Variants in FBLN2 observed in about 807,000 individuals in gnomAD.
The protein encoded by FBLN2 is fibulin 2, also known as fibulin-2.
A neutral mutation model predicts 123.7 loss-of-function variants in FBLN2; 81 were observed. The observed-to-expected ratio is 0.65, with a 90% CI of 0.55 to 0.79. FBLN2 has a LOEUF of 0.79. Ranked by LOEUF, FBLN2 falls within the 30% of genes least tolerant of loss-of-function variation. FBLN2 has a pLI of 0.00. For missense variants in FBLN2, 1,603 were observed against 1,681.3 expected, an observed-to-expected ratio of 0.95 and a Z score of 0.81; for synonymous variants, 699 against 701.4, an observed-to-expected ratio of 1.00 and a Z score of 0.05.
At chr3:13,626,606 GGA>G in intron 10 of FBLN2, 27 bp downstream of exon 10, 2 of 1,519,966 alleles carry the variant, frequency 1.3e-6, no homozygotes, top group South Asian at 2.5e-5. Context: ...AGGACCAACT[GGA>G]GGCCCCGCCC....
At chr3:13,615,096 G>A (rs1705553976) in intron 5 of FBLN2, among the ~76,000 whole-genome samples, 1 of 152,196 alleles carries the variant, frequency 6.6e-6, no homozygotes, top group Admixed American at 6.5e-5. Flanking sequence ...TGTTCCAGCT[G>A]CCATGTCCAG....
rs759241539 is a variant in FBLN2, at chr3:13,626,442, C to T, written c.2297-3C>T. 35 of 1,576,968 alleles carry T rather than the reference C, an allele frequency of 2.2e-5. No individual in the cohort carries two copies. Among genetic ancestry groups the T allele is most frequent in the Non-Finnish European group, 2.9e-5 (34 of 1,159,390 alleles). ...GCCTCTGATGGCCTCGCTCTCCCTG[C>T]AGACATCAACGAGTGTGTGACGGAC... On this transcript the variant is annotated splice_polypyrimidine_tract_variant and splice_region_variant and intron_variant, in intron 9 of 17. Transcript: ENST00000404922.
chr3:13,606,481 T>C (rs1392845478), intron 2 of FBLN2, among the ~76,000 whole-genome samples: 5 of 152,202 alleles, frequency 3.3e-5, no homozygotes, highest in African/African-American at 4.8e-5. Flanking sequence ...CAAATACAGT[T>C]GAACCTTGAA....
chr3:13,594,666 C>T (rs1483101869), intron 2 of FBLN2, among the ~76,000 whole-genome samples: 1 of 152,164 alleles, frequency 6.6e-6, no homozygotes, highest in Non-Finnish European at 1.5e-5. Flanking sequence ...GCCCTAGCCC[C>T]CGACCTGGGC....
rs1308557166 is a variant in FBLN2, at chr3:13,573,218, C to G, written c.1306+1557C>G. The stretch of plus-strand genomic sequence containing the variant: ...CCGGCCCCTCCCCAGCCTCTTCTCA[C>G]ACCAGTCAGAGCTTCCTTTCAATCA... On this transcript the variant is annotated intron_variant, in intron 2 of 17. Transcript: ENST00000404922. 2.0e-5 allele frequency among the ~76,000 whole-genome samples: 3 copies of G among 152,216 alleles called. No individual in the cohort carries two copies. The South Asian group carries it at 6.2e-4, about 32-fold the overall frequency.
At position 13,637,914 on chromosome 3, in the gene FBLN2, C is replaced by T; in HGVS notation, c.3691C>T (p.Leu1231=). The T allele has an allele frequency of 1.9e-6, 3 of 1,580,822 alleles. No individual in the cohort carries two copies. The highest frequency in any genetic ancestry group is 2.6e-6 in the Non-Finnish European group (3 of 1,159,876). The stretch of plus-strand genomic sequence containing the variant: ...GCACATCTTCTTCACCACCTTTGCC[C>T]TGTGAGGTGCCAGCACGGGCCACCT... The part of the protein sequence containing the change: ...KMHIFFTTFA[L] The change falls in exon 18 of 18, where the codon CTG becomes TTG. Residue 1231 remains leucine (L), a synonymous_variant. Coordinates refer to ENST00000404922, the MANE Select transcript of FBLN2 (RefSeq NM_001004019.2).
In FBLN2 at chr3:13,619,011, T is replaced by TTTGCAGGTATTG; in HGVS notation, c.2047_2048insTTGCAGGTATTG (p.Cys683delinsPheAlaGlyIleGly). 1 of 1,608,870 alleles carries TTTGCAGGTATTG rather than the reference T, an allele frequency of 6.2e-7. No individual in the cohort carries two copies. The highest frequency in any genetic ancestry group is 8.5e-7 in the Non-Finnish European group (1 of 1,177,544). On this transcript the variant is annotated protein_altering_variant, in exon 7 of 18. Transcript: ENST00000404922. ...GCTGCCACTGCCGCAGCCCAATACC[T>TTTGCAGGTATTG]GCAAAGGTAAGCAGTGTGGGTGGTG...
chr3:13,558,728 CT>C (rs1372826076), intron 1 of FBLN2, among the ~76,000 whole-genome samples: 1 of 144,028 alleles, frequency 6.9e-6, no homozygotes, highest in East Asian at 2.1e-4. Context: ...CACCTACCTA[CT>C]TTTTTAGCCA....
intron 10 of FBLN2, 129 bp downstream of exon 10, chr3:13,626,708 C>G: frequency 1.1e-6 from 1 of 943,692 alleles, no homozygotes; most frequent in Non-Finnish European, 1.5e-6. Context: ...TCCATCCCCT[C>G]CTTTCTAGCA....
At chr3:13,593,734 T>G (rs986897254) in intron 2 of FBLN2, among the ~76,000 whole-genome samples, 498 of 103,960 alleles carry the variant, frequency 4.8e-3, no homozygotes, top group East Asian at 5.9e-3. Context: ...AAAAAAAAAG[T>G]GGAAGATAAT....
In FBLN2 at chr3:13,628,056, GA is replaced by G. The variant is rs145439519; in HGVS notation, c.2569+88del. The G allele has an allele frequency of 3.0e-3, 4,468 of 1,495,286 alleles. 116 individuals are homozygous for G. In the African/African-American group the frequency reaches 0.056, roughly 19 times the overall value. The allele number at this position is 1,495,286 out of a possible 1,614,324, so 92.6% of individuals were successfully genotyped here. On this transcript the variant is annotated intron_variant, in intron 11 of 17. Transcript: ENST00000404922. Reference sequence around the variant, plus strand: ...GGCTTTTAGGGCTTTAGAGACCAGGGAGGCCTGGCTTGCTGCTCCATTCCTC... The same window carrying G: ...GGCTTTTAGGGCTTTAGAGACCAGGGGGCCTGGCTTGCTGCTCCATTCCTC...
At chr3:13,619,698 G>A (rs769572059) in intron 7 of FBLN2, 32 bp from the exon 8 acceptor site, 12 of 1,591,828 alleles carry the variant, frequency 7.5e-6, no homozygotes, top group Middle Eastern at 1.7e-4. Context: ...CCAGGGCCTG[G>A]TGGTCTCTGA....
chr3:13,618,614 C>T (rs1162704850), intron 6 of FBLN2, among the ~76,000 whole-genome samples: 3 of 152,228 alleles, frequency 2.0e-5, no homozygotes, highest in East Asian at 3.8e-4. Context: ...GATTTCCTCC[C>T]AGTCACTGGT....
chr3:13,561,183 C>T (rs1313852301), intron 1 of FBLN2, among the ~76,000 whole-genome samples: 3 of 152,134 alleles, frequency 2.0e-5, no homozygotes, highest in Non-Finnish European at 4.4e-5. Context: ...AATGATGTAG[C>T]TTAGATTTCA....
chr3:13,623,117 C>A (rs1010085029), intron 9 of FBLN2, among the ~76,000 whole-genome samples: 1 of 152,252 alleles, frequency 6.6e-6, no homozygotes, highest in East Asian at 1.9e-4. Context: ...ATGCCTGCTG[C>A]AGACATGTTT....
intron 2 of FBLN2, among the ~76,000 whole-genome samples, chr3:13,578,553 A>G (rs961459678): frequency 2.0e-5 from 3 of 152,236 alleles, no homozygotes; most frequent in Non-Finnish European, 1.5e-5. Flanking sequence ...TGGTTGAATA[A>G]TGTTGTATGA....
At chr3:13,586,928 T>C (rs1704525835) in intron 2 of FBLN2, among the ~76,000 whole-genome samples, 1 of 151,504 alleles carries the variant, frequency 6.6e-6, no homozygotes, top group Non-Finnish European at 1.5e-5. Flanking sequence ...GCGGATCACC[T>C]GAGGTCAGGA....
At chr3:13,558,440 G>A (rs546730313) in intron 1 of FBLN2, among the ~76,000 whole-genome samples, 1 of 152,068 alleles carries the variant, frequency 6.6e-6, no homozygotes, top group Non-Finnish European at 1.5e-5. Context: ...ACGCAGGAGT[G>A]AAAGTGCCTC....
In FBLN2 at chr3:13,571,078, C is replaced by T. The variant is rs1703929513; in HGVS notation, c.723C>T (p.Thr241=). The T allele has an allele frequency of 6.4e-7, 1 of 1,554,580 alleles. No individual in the cohort carries two copies. Among genetic ancestry groups the T allele is most frequent in the Non-Finnish European group, 8.7e-7 (1 of 1,149,534 alleles). The part of the protein sequence containing the change: ...ALGGGSQPLS[T]IQAPPWPAVL... ...GAGGTGGGAGTCAGCCACTGTCCAC[C>T]ATCCAGGCACCCCCCTGGCCAGCTG... The change falls in exon 2 of 18, where the codon ACC becomes ACT. Residue 241 remains threonine, a synonymous_variant. Transcript: ENST00000404922.
Sources: gnomAD v4.1 joint callset for allele counts (sites outside exome capture counted in the v4.1 genomes callset) on GRCh38, gnomAD v4.1.1 for gene constraint, MANE v1.5 for transcripts, NCBI Gene and HGNC (gene_info 2026-07-23, HGNC 2026-07-21) for gene names.